Variants in DMBX1 observed in about 807,000 individuals in gnomAD.
DMBX1 encodes diencephalon/mesencephalon homeobox protein 1.
Under a neutral mutation model 30.4 loss-of-function variants are expected in DMBX1, and 7 were observed. The ratio of observed to expected loss-of-function variants is 0.23; its 90% confidence interval spans 0.13 to 0.43. DMBX1 has a LOEUF of 0.43. DMBX1 is among the 20% of genes least tolerant of loss of function. The pLI is 1.00. For missense variants in DMBX1, 460 were observed against 508.5 expected (o/e 0.90, Z 0.92); for synonymous variants, 222 against 214.2 (o/e 1.04, Z -0.32).
chr1:46,499,074 C>T lies in DMBX1; in HGVS notation c.-12-7925C>T, dbSNP rs949216935. Among the ~76,000 whole-genome samples the T allele has an allele frequency of 2.0e-5, 3 of 151,552 alleles. No individual in the cohort carries two copies. The East Asian group carries it at 5.8e-4, about 29-fold the overall frequency. ...TTTTTTTTTTTGAGACCGAGTCTCA[C>T]TCTGTCACCCAGGCTGCAGTGGCGC... On this transcript the variant is annotated intron_variant, in intron 2 of 5. Coordinates refer to ENST00000360032, the MANE Select transcript of DMBX1 (RefSeq NM_172225.2).
chr1:46,514,225 A>AT lies in DMBX1; in HGVS notation c.*1731_*1732insT, dbSNP rs59105548. On this transcript the variant is annotated 3_prime_UTR_variant, in exon 6 of 6. Coordinates refer to ENST00000360032, the MANE Select transcript of DMBX1 (RefSeq NM_172225.2). ...GAGACTCCATCTCAAAAAAAAAAAA[A>AT]AAATAAATAAAAGCTGTGTGACCTT... 7,207 of 137,436 alleles carry AT rather than the reference A, an allele frequency of 0.052. 531 individuals are homozygous for AT. The highest frequency in any genetic ancestry group is 0.16 in the African/African-American group (6,487 of 40,060). The allele number at this position is 137,436 out of a possible 1,614,324, so 8.5% of individuals were successfully genotyped here. A position where few individuals can be genotyped will look rare whatever the true frequency, so the allele number is the denominator to read the frequency against.
At chr1:46,501,907 C>T (rs12078851) in intron 2 of DMBX1, among the ~76,000 whole-genome samples, 2,819 of 152,054 alleles carry the variant, frequency 0.019, 77 homozygotes, top group African/African-American at 0.065. Context: ...TTTATGAATT[C>T]CTCTATGTCA....
chr1:46,494,396 G>A (rs1054821736), intron 2 of DMBX1, among the ~76,000 whole-genome samples: 2 of 152,228 alleles, frequency 1.3e-5, no homozygotes, highest in African/African-American at 4.8e-5. Context: ...TGTAGGCGGA[G>A]GGGCCTCCCT....
chr1:46,505,535 G>A (rs1484558911), intron 2 of DMBX1, among the ~76,000 whole-genome samples: 2 of 149,144 alleles, frequency 1.3e-5, no homozygotes, highest in Non-Finnish European at 3.0e-5. Flanking sequence ...TCACTCATAG[G>A]TGGGAATTGA....
Position 46,512,879 on chromosome 1 carries a change from A to G in DMBX1, c.*385A>G, listed in dbSNP as rs971118299. ...GATATAAATATAAATATATAAAGCT[A>G]TATTTTCAGGCTCCTGCCTGCCCCA... On this transcript the variant is annotated 3_prime_UTR_variant, in exon 6 of 6. Transcript: ENST00000360032. This position sits in a 1 kb window ranked among gnomAD's most constrained non-coding sequence, Gnocchi z 4.8. The G allele has an allele frequency of 5.7e-6, 1 of 176,848 alleles. No individual in the cohort carries two copies. The highest frequency in any genetic ancestry group is 1.8e-4 in the South Asian group (1 of 5,536). The allele number at this position is 176,848 out of a possible 1,614,324, so 11.0% of individuals were successfully genotyped here.
intron 3 of DMBX1, among the ~76,000 whole-genome samples, chr1:46,509,070 CTT>C (rs879361550): frequency 6.9e-6 from 1 of 145,426 alleles, no homozygotes; most frequent in Non-Finnish European, 1.5e-5. Context: ...TCTTCCTATT[CTT>C]TTTTTTTTTG....
At chr1:46,490,905 C>A (rs1160319016) in intron 2 of DMBX1, among the ~76,000 whole-genome samples, 122 bp downstream of exon 2, 2 of 152,204 alleles carry the variant, frequency 1.3e-5, no homozygotes, top group African/African-American at 2.4e-5. Context: ...GTCCCCGGAG[C>A]GGCTCTCGGG....
At chr1:46,509,413 G>T (rs575746112) in intron 3 of DMBX1, among the ~76,000 whole-genome samples, 1 of 152,154 alleles carries the variant, frequency 6.6e-6, no homozygotes, top group Non-Finnish European at 1.5e-5. Flanking sequence ...TCCCTGGAGG[G>T]CGGGGGAAGG....
At position 46,510,431 on chromosome 1, in the gene DMBX1, A is replaced by G. The variant is rs1194911589; in HGVS notation, c.155-45A>G. On this transcript the variant is annotated intron_variant, in intron 3 of 5. Coordinates refer to ENST00000360032, the MANE Select transcript of DMBX1 (RefSeq NM_172225.2). This position sits in a 1 kb window ranked among gnomAD's most constrained non-coding sequence, Gnocchi z 4.1. ...AGATTCAAAGCTATTTCCCATAATTAAATGGGCCCCCTCTCCTTGCCCTCC... is the reference window on the plus strand; with the variant it reads ...AGATTCAAAGCTATTTCCCATAATTGAATGGGCCCCCTCTCCTTGCCCTCC... 6.3e-7 allele frequency: 1 copy of G among 1,595,502 alleles called. No individual in the cohort carries two copies. The highest frequency in any genetic ancestry group is 1.7e-5 in the Admixed American group (1 of 58,458).
intron 2 of DMBX1, among the ~76,000 whole-genome samples, chr1:46,496,076 G>C (rs975036215): frequency 2.6e-5 from 4 of 152,336 alleles, no homozygotes; most frequent in Non-Finnish European, 5.9e-5. Flanking sequence ...CCCTGGCAGG[G>C]GGAGGAAGAG....
At chr1:46,492,365 G>A (rs1365913246) in intron 2 of DMBX1, among the ~76,000 whole-genome samples, 1 of 152,174 alleles carries the variant, frequency 6.6e-6, no homozygotes, top group Admixed American at 6.5e-5. Flanking sequence ...ACACCCTGTG[G>A]GCACACACCC....
rs912537127 is a variant in DMBX1, at chr1:46,514,804, G to A, written c.*2310G>A. Among the ~76,000 whole-genome samples the A allele has an allele frequency of 5.3e-5, 8 of 152,188 alleles. No homozygotes were observed. The highest frequency in any genetic ancestry group is 1.9e-4 in the African/African-American group (8 of 41,448). ...CCTGGTTGAATTGCTTTGCAGAGAAGTCAATGCCCATCACCCTTGATGGGG... is the reference window on the plus strand; with the variant it reads ...CCTGGTTGAATTGCTTTGCAGAGAAATCAATGCCCATCACCCTTGATGGGG... On this transcript the variant is annotated 3_prime_UTR_variant, in exon 6 of 6. Coordinates refer to ENST00000360032, the MANE Select transcript of DMBX1 (RefSeq NM_172225.2).
chr1:46,493,949 C>T lies in DMBX1; in HGVS notation c.-13+3166C>T, dbSNP rs1665980648. ...CTGGATCTGGATGGCCAAAAGTGGA[C>T]CAGGTCATCCCTGACAGACTTTGGG... On this transcript the variant is annotated intron_variant, in intron 2 of 5. Transcript: ENST00000360032. This position sits in a 1 kb window ranked among gnomAD's most constrained non-coding sequence, Gnocchi z 4.1. 6.6e-6 allele frequency among the ~76,000 whole-genome samples: 1 copy of T among 152,224 alleles called. No individual in the cohort carries two copies. The highest frequency in any genetic ancestry group is 1.5e-5 in the Non-Finnish European group (1 of 68,042).
chr1:46,507,381 T>C (rs1666261634), intron 3 of DMBX1, among the ~76,000 whole-genome samples: 1 of 152,234 alleles, frequency 6.6e-6, no homozygotes, highest in Non-Finnish European at 1.5e-5. Flanking sequence ...GCGCTGGAGC[T>C]GCCCTATGCT....
At chr1:46,494,736 C>G (rs1665996756) in intron 2 of DMBX1, among the ~76,000 whole-genome samples, 1 of 152,294 alleles carries the variant, frequency 6.6e-6, no homozygotes, top group African/African-American at 2.4e-5. Context: ...CCTTGCAAAG[C>G]CACATACTTC....
intron 2 of DMBX1, among the ~76,000 whole-genome samples, chr1:46,497,523 C>T (rs918087490): frequency 6.6e-6 from 1 of 152,134 alleles, no homozygotes; most frequent in Non-Finnish European, 1.5e-5. Context: ...ATTAAAAGTT[C>T]AGAGAAGGAA....
Position 46,511,211 on chromosome 1 carries a change from G to T in DMBX1, c.610G>T (p.Asp204Tyr). ...REEDPRAGAE[D>Y]PKAEKSPGAD... ...GGAGGACCCCAGGGCAGGGGCTGAG[G>T]ACCCCAAAGCTGAGAAGAGCCCTGG... The change falls in exon 5 of 6, where the codon GAC becomes TAC. Residue 204 changes from aspartate to tyrosine, a missense_variant. Physicochemically the swap from Asp to Tyr is radical, Grantham distance 160 (BLOSUM62 -3). Coordinates refer to ENST00000360032, the MANE Select transcript of DMBX1 (RefSeq NM_172225.2). 1 of 1,613,208 alleles carries T rather than the reference G, an allele frequency of 6.2e-7. No homozygotes were observed. The highest frequency in any genetic ancestry group is 8.5e-7 in the Non-Finnish European group (1 of 1,179,908).
At chr1:46,507,306 G>C in intron 3 of DMBX1, 142 bp downstream of exon 3, 1 of 1,125,682 alleles carries the variant, frequency 8.9e-7, no homozygotes, top group Non-Finnish European at 1.2e-6. Context: ...GCAACACAGA[G>C]AGATGTCAAT....
intron 2 of DMBX1, among the ~76,000 whole-genome samples, chr1:46,502,025 A>G (rs1012458824): frequency 1.3e-5 from 2 of 152,148 alleles, no homozygotes; most frequent in African/African-American, 4.8e-5. Flanking sequence ...CACCATGTCT[A>G]TCACTCTTTT....
Sources: gnomAD v4.1 joint callset for allele counts (sites outside exome capture counted in the v4.1 genomes callset) on GRCh38, gnomAD v4.1.1 for gene constraint, Gnocchi (gnomAD v3.1) non-coding constraint, MANE v1.5 for transcripts, NCBI Gene and HGNC (gene_info 2026-07-23, HGNC 2026-07-21) for gene names.